PYGL: variants seen among roughly 807,000 people sequenced by gnomAD.
PYGL encodes the protein glycogen phosphorylase, liver form.
PYGL carries 90 observed loss-of-function variants against 100.1 expected under a neutral mutation model. The ratio of observed to expected loss-of-function variants is 0.90; its 90% CI spans 0.76 to 1.07. The LOEUF is 1.07. PYGL is among the 50% of genes least tolerant of loss of function. The pLI is 0.00. For missense variants in PYGL, 1,016 were observed against 1,057.6 expected, an observed-to-expected ratio of 0.96 and a Z score of 0.55; for synonymous variants, 373 against 393.0, an observed-to-expected ratio of 0.95 and a Z score of 0.60.
At chr14:50,917,189 TTAAGAC>T (rs2050461260) in intron 7 of PYGL, 84 bp from the exon 8 acceptor site, 9 of 1,466,494 alleles carry the variant, frequency 6.1e-6, no homozygotes, top group Non-Finnish European at 7.6e-6. Flanking sequence ...ACTAGGAACT[TTAAGAC>T]TAAGGCCCAT....
chr14:50,939,992 C>G (rs911656422), intron 1 of PYGL, among the ~76,000 whole-genome samples: 12 of 152,220 alleles, frequency 7.9e-5, no homozygotes, highest in Non-Finnish European at 1.2e-4. Context: ...GGCCACCTAA[C>G]ACTGCTTTCC....
At position 50,937,828 on chromosome 14, in the gene PYGL, A is replaced by T. The variant is rs757160355; in HGVS notation, c.253T>A (p.Tyr85Asn). The change falls in exon 2 of 20, where the codon TAC (tyrosine) becomes AAC (asparagine). Residue 85 changes from tyrosine to asparagine, a missense_variant. Tyr to Asn is a moderately radical substitution (Grantham distance 143). Transcript: ENST00000216392. ...CCCATGTAAAATTCCAGAGAGAGGT[A>T]ATATACCCTCTGAAATAAAGAAAAG... is the stretch of plus-strand genomic sequence containing the variant. The part of the protein sequence containing the change: ...YYDKCPKRVY[Y>N]LSLEFYMGRT... 4.3e-6 allele frequency: 7 copies of T among 1,609,542 alleles called. No individual in the cohort carries two copies. In the South Asian group the frequency reaches 7.7e-5, roughly 18 times the overall value.
chr14:50,920,481 C>G (rs1382918597), intron 7 of PYGL, 60 bp downstream of exon 7: 1 of 1,446,580 alleles, frequency 6.9e-7, no homozygotes, highest in Non-Finnish European at 9.7e-7. Flanking sequence ...GGTTACTGAA[C>G]AGGCTCTTGT....
intron 4 of PYGL, 56 bp from the exon 5 acceptor site, chr14:50,924,156 C>T (rs960180175): frequency 2.3e-5 from 36 of 1,563,172 alleles, no homozygotes; most frequent in Admixed American, 3.3e-5. Flanking sequence ...ATGAACCTAG[C>T]ACTTCAATTA....
At chr14:50,917,209 A>G in intron 7 of PYGL, 104 bp from the exon 8 acceptor site, 1 of 1,303,496 alleles carries the variant, frequency 7.7e-7, no homozygotes, top group Non-Finnish European at 1.1e-6. Flanking sequence ...GGCCCATTGG[A>G]CATCTGCTGA....
chr14:50,905,653 GA>G, intron 19 of PYGL, 97 bp from the exon 20 acceptor site: 1 of 1,160,982 alleles, frequency 8.6e-7, no homozygotes, highest in Non-Finnish European at 1.3e-6. Flanking sequence ...TTTCATGAGG[GA>G]AAATGACAGG....
At chr14:50,931,464 C>A (rs2050600056) in intron 4 of PYGL, among the ~76,000 whole-genome samples, 1 of 152,162 alleles carries the variant, frequency 6.6e-6, no homozygotes, top group African/African-American at 2.4e-5. Flanking sequence ...TGCAATGGAT[C>A]TGGTGATGAG....
Position 50,916,066 on chromosome 14 carries a change from G to A in PYGL, c.1093-95C>T. 5 of 1,529,588 alleles carry A rather than the reference G, an allele frequency of 3.3e-6. No homozygotes were observed. In the African/African-American group the frequency reaches 4.1e-5, roughly 13 times the overall value. The allele number at this position is 1,529,588 out of a possible 1,614,324, so 94.8% of individuals were successfully genotyped here. A position where few individuals can be genotyped will look rare whatever the true frequency, so the allele number is the denominator to read the frequency against. On this transcript the variant is annotated intron_variant, in intron 9 of 19. Transcript: ENST00000216392. Reference sequence around the variant, plus strand: ...TTCAACCCTGCCCTGTCTGCAACAGGACCATTCCAAGTGTGCATAGTCAGA... The same window carrying A: ...TTCAACCCTGCCCTGTCTGCAACAGAACCATTCCAAGTGTGCATAGTCAGA...
At chr14:50,905,667 TA>T in intron 19 of PYGL, 111 bp from the exon 20 acceptor site, 1 of 992,440 alleles carries the variant, frequency 1.0e-6, no homozygotes, top group Non-Finnish European at 1.6e-6. Context: ...ATGACAGGAA[TA>T]AATTATAGTA....
Position 50,931,704 on chromosome 14 carries a change from A to T in PYGL, c.497T>A (p.Ile166Asn). ...TCCATCTCGGATCTTCTGATTGAAA[A>T]TCCCATATTCATACCGAATGCCGTA... ...YGYGIRYEYG[I>N]FNQKIRDGWQ... The change falls in exon 4 of 20, where the codon ATT (isoleucine) becomes AAT (asparagine). Residue 166 changes from isoleucine to asparagine, a missense_variant. Physicochemically the swap from Ile to Asn is moderately radical, Grantham distance 149. Transcript: ENST00000216392. The T allele has an allele frequency of 6.2e-7, 1 of 1,613,934 alleles. No homozygotes were observed. The highest frequency in any genetic ancestry group is 8.5e-7 in the Non-Finnish European group (1 of 1,179,900).
rs2050319362 is a variant in PYGL at position 50,905,307 on chromosome 14, T to A, written c.*85A>T. The A allele has an allele frequency of 7.4e-7, 1 of 1,354,316 alleles. No homozygotes were observed. The highest frequency in any genetic ancestry group is 1.4e-5 in the African/African-American group (1 of 69,060). 83.9% of individuals were successfully genotyped at this position (1,354,316 alleles called of 1,614,324 possible). On this transcript the variant is annotated 3_prime_UTR_variant, in exon 20 of 20. Transcript: ENST00000216392. ...GAGATACTCAACTATTATAGATTAT[T>A]AGCTAACAAAACAAAAACCAGTGAA... is the stretch of plus-strand genomic sequence containing the variant.
chr14:50,944,255 C>A lies in PYGL; in HGVS notation c.149G>T (p.Arg50Leu). 6.2e-7 allele frequency: 1 copy of A among 1,613,864 alleles called. No homozygotes were observed. The highest frequency in any genetic ancestry group is 8.5e-7 in the Non-Finnish European group (1 of 1,179,910). ...LVKDRNVATT[R>L]DYYFALAHTV... is the part of the protein sequence containing the mutation. ...GTGCGCCAGCGCGAAGTAGTAGTCG[C>A]GGGTGGTGGCCACGTTGCGGTCCTT... is the stretch of plus-strand genomic sequence containing the variant. Residue 50 changes from arginine to leucine, a missense_variant, in exon 1 of 20, where the codon CGC (arginine) becomes CTC (leucine). Transcript: ENST00000216392.
chr14:50,908,499 C>G (rs2050356253), intron 18 of PYGL, among the ~76,000 whole-genome samples, 162 bp from the exon 19 acceptor site: 1 of 152,162 alleles, frequency 6.6e-6, no homozygotes, highest in Admixed American at 6.5e-5. Flanking sequence ...CCTCAACCTT[C>G]TTATGGTTCT....
At chr14:50,912,117 C>T (rs1234752089) in intron 14 of PYGL, 39 bp downstream of exon 14, 4 of 1,613,996 alleles carry the variant, frequency 2.5e-6, no homozygotes, top group African/African-American at 1.3e-5. Context: ...CTGCTGCTTC[C>T]ACCTGCAAGG....
At chr14:50,907,776 T>G (rs140022586) in intron 19 of PYGL, among the ~76,000 whole-genome samples, 4,178 of 152,298 alleles carry the variant, frequency 0.027, 83 homozygotes, top group African/African-American at 0.056. Context: ...CTGGGCATGG[T>G]GGCTCACACC....
chr14:50,937,752 T>A lies in PYGL; in HGVS notation c.329A>T (p.Asp110Val), dbSNP rs774026070. Residue 110 changes from aspartate (D) to valine (V), a missense_variant, in exon 2 of 20, where the codon GAT becomes GTT. Physicochemically the swap from Asp to Val is radical, Grantham distance 152. Transcript: ENST00000216392. ...ACAATGTACCTGGTAAATGGCCTCA[T>A]CACAGGCATTTTGCAGACCGAGGTT... Reference protein sequence around the residue: ...MINLGLQNACDEAIYQLGLDI... With the variant: ...MINLGLQNACVEAIYQLGLDI... 9 of 1,613,554 alleles carry A rather than the reference T, an allele frequency of 5.6e-6. No individual in the cohort carries two copies. Among genetic ancestry groups the A allele is most frequent in the South Asian group, 3.3e-5 (3 of 91,078 alleles).
At chr14:50,931,423 G>A (rs2050599666) in intron 4 of PYGL, among the ~76,000 whole-genome samples, 1 of 152,120 alleles carries the variant, frequency 6.6e-6, no homozygotes, top group South Asian at 2.1e-4. Flanking sequence ...TATATTTTCA[G>A]AGCACCCTGT....
chr14:50,920,764 A>C (rs2050492967), intron 6 of PYGL, 141 bp from the exon 7 acceptor site: 1 of 1,065,566 alleles, frequency 9.4e-7, no homozygotes, highest in East Asian at 2.6e-5. Context: ...ACACACCGTC[A>C]TGCTGGACTT....
intron 9 of PYGL, among the ~76,000 whole-genome samples, chr14:50,916,399 A>C (rs1036456238): frequency 6.6e-6 from 1 of 152,234 alleles, no homozygotes; most frequent in Non-Finnish European, 1.5e-5. Context: ...TGGTAAACAC[A>C]ATATAAGCCT....
Sources: gnomAD v4.1 joint callset for allele counts (sites outside exome capture counted in the v4.1 genomes callset) on GRCh38, gnomAD v4.1.1 for gene constraint, MANE v1.5 for transcripts, NCBI Gene and HGNC (gene_info 2026-07-23, HGNC 2026-07-21) for gene names.